EFNA5: variants seen among roughly 807,000 people sequenced by gnomAD.
EFNA5 encodes the protein ephrin-A5.
Under a neutral mutation model 22.9 loss-of-function variants are expected in EFNA5, and 5 were observed. The ratio of observed to expected loss-of-function variants is 0.22; its 90% CI spans 0.11 to 0.46. The LOEUF (loss-of-function observed/expected upper bound fraction) is 0.46. Among genes scored for constraint, EFNA5 ranks in the 20% least tolerant of loss-of-function variants. The pLI is 0.99. For synonymous variants in EFNA5, 113 were observed against 112.2 expected, an observed-to-expected ratio of 1.01 and a Z score of -0.04; for missense variants, 237 against 293.3, an observed-to-expected ratio of 0.81 and a Z score of 1.40.
At chr5:107,581,858 AACATCT>A (rs1447426810) in intron 1 of EFNA5, among the ~76,000 whole-genome samples, 1 of 152,166 alleles carries the variant, frequency 6.6e-6, no homozygotes, top group Admixed American at 6.5e-5. Context: ...TAGCAGCAAA[AACATCT>A]CTGCTCAATA....
Position 107,490,044 on chromosome 5 carries a change from G to A in EFNA5, c.126-62535C>T, listed in dbSNP as rs115877050. On this transcript the variant is annotated intron_variant, in intron 1 of 4. Transcript: ENST00000333274. ...GCTGGGGTACAAGTGGGGCATGCAG[G>A]GACAAGATTCCATCTTTCCTTGGCA... Among the ~76,000 whole-genome samples the A allele has an allele frequency of 3.2e-3, 483 of 152,256 alleles. 4 individuals are homozygous for A. The highest frequency in any genetic ancestry group is 0.011 in the African/African-American group (439 of 41,546).
intron 1 of EFNA5, among the ~76,000 whole-genome samples, chr5:107,471,576 TA>T (rs1750142667): frequency 6.6e-6 from 1 of 152,232 alleles, no homozygotes; most frequent in Non-Finnish European, 1.5e-5. Flanking sequence ...AAATTCATGC[TA>T]GTCAGTTGAT....
chr5:107,412,929 A>T (rs1218022565), intron 2 of EFNA5, among the ~76,000 whole-genome samples: 1 of 152,236 alleles, frequency 6.6e-6, no homozygotes, highest in Non-Finnish European at 1.5e-5. Flanking sequence ...GATGATAGAA[A>T]CTATTTTTGA....
intron 1 of EFNA5, among the ~76,000 whole-genome samples, chr5:107,533,252 A>T (rs969724223): frequency 3.3e-5 from 5 of 152,112 alleles, no homozygotes; most frequent in African/African-American, 7.2e-5. Context: ...TCTCGATATG[A>T]AGCGGGGGGA....
chr5:107,561,573 T>C (rs1258436376), intron 1 of EFNA5, among the ~76,000 whole-genome samples: 2 of 152,160 alleles, frequency 1.3e-5, no homozygotes, highest in East Asian at 3.9e-4. Context: ...TTTCACCATG[T>C]TGGCTAGGCT....
chr5:107,670,773 A>G lies in EFNA5; in HGVS notation c.-160T>C. On this transcript the variant is annotated 5_prime_UTR_variant, in exon 1 of 5. Coordinates refer to ENST00000333274, the MANE Select transcript of EFNA5 (RefSeq NM_001962.3). ...GCGAGAAAGGAAAGAGGCGCCCACC[A>G]AGCTGGGGAGGGGTAGGAGAGCGAG... 1.0e-6 allele frequency: 1 copy of G among 1,003,104 alleles called. No homozygotes were observed. The highest frequency in any genetic ancestry group is 2.7e-5 in the East Asian group (1 of 37,660). The allele number at this position is 1,003,104 out of a possible 1,614,324, so 62.1% of individuals were successfully genotyped here.
At chr5:107,524,548 C>T (rs1295944727) in intron 1 of EFNA5, among the ~76,000 whole-genome samples, 1 of 152,180 alleles carries the variant, frequency 6.6e-6, no homozygotes, top group Non-Finnish European at 1.5e-5. Context: ...TTACTACTGG[C>T]AAACAGAGAA....
chr5:107,604,840 A>G (rs966598925), intron 1 of EFNA5, among the ~76,000 whole-genome samples: 1 of 151,994 alleles, frequency 6.6e-6, no homozygotes, highest in Non-Finnish European at 1.5e-5. Flanking sequence ...ACGGTAGTTC[A>G]CTCAGCGGTT....
intron 1 of EFNA5, among the ~76,000 whole-genome samples, chr5:107,577,300 T>C (rs1167078018): frequency 6.6e-6 from 1 of 152,098 alleles, no homozygotes; most frequent in Middle Eastern, 3.2e-3. Context: ...AAATTTGCCA[T>C]TCCCAGATGA....
chr5:107,518,457 A>C (rs113244696), intron 1 of EFNA5, among the ~76,000 whole-genome samples: 2 of 152,198 alleles, frequency 1.3e-5, no homozygotes, highest in African/African-American at 4.8e-5. Context: ...ATAGAAGGGC[A>C]GCCACTGTGG....
intron 1 of EFNA5, among the ~76,000 whole-genome samples, chr5:107,535,011 G>A (rs890425821): frequency 6.6e-6 from 1 of 152,128 alleles, no homozygotes; most frequent in Non-Finnish European, 1.5e-5. Context: ...TGAAAAATAT[G>A]ATGTACCTTC....
At chr5:107,477,162 T>A (rs1561403461) in intron 1 of EFNA5, among the ~76,000 whole-genome samples, 1 of 152,074 alleles carries the variant, frequency 6.6e-6, no homozygotes, top group Non-Finnish European at 1.5e-5. Flanking sequence ...GTTACTGGCT[T>A]ATCAAGAGAG....
In EFNA5 at chr5:107,385,788, T is replaced by C. The variant is rs553017777; in HGVS notation, c.565+1447A>G. Among the ~76,000 whole-genome samples the C allele has an allele frequency of 1.2e-4, 18 of 152,252 alleles. No individual in the cohort carries two copies. The East Asian group carries it at 3.5e-3, about 29-fold the overall frequency. ...TACCTTAAGAAGCCAAAGTCATGGC[T>C]CCAGATTTCCAGGACACAATTAAAA... On this transcript the variant is annotated intron_variant, in intron 4 of 4. Transcript: ENST00000333274.
At chr5:107,515,570 G>T (rs1024725096) in intron 1 of EFNA5, among the ~76,000 whole-genome samples, 1 of 151,836 alleles carries the variant, frequency 6.6e-6, no homozygotes, top group African/African-American at 2.4e-5. Context: ...TAGAGACAGG[G>T]TTTCTCCATG....
chr5:107,609,303 T>C (rs1200281473), intron 1 of EFNA5, among the ~76,000 whole-genome samples: 3 of 152,204 alleles, frequency 2.0e-5, no homozygotes, highest in Admixed American at 6.5e-5. Flanking sequence ...GAATTTACTA[T>C]CAATAATTTC....
At chr5:107,443,513 T>C (rs1749313778) in intron 1 of EFNA5, among the ~76,000 whole-genome samples, 1 of 152,218 alleles carries the variant, frequency 6.6e-6, no homozygotes, top group African/African-American at 2.4e-5. Context: ...ATGAAACTAC[T>C]GTACAGTGCT....
intron 1 of EFNA5, among the ~76,000 whole-genome samples, chr5:107,430,801 G>C (rs1413167703): frequency 8.4e-6 from 1 of 119,492 alleles, no homozygotes; most frequent in African/African-American, 3.6e-5. Flanking sequence ...TTTTTGAGAT[G>C]GAGTTTCACT....
rs141709649 is a variant in EFNA5 at position 107,518,146 on chromosome 5, A to C, written c.126-90637T>G. Reference sequence around the variant, plus strand: ...AAGGTTAACTGTCTAAAAAGGAAAGACTATGTTTGACATATTCTATTTAGA... The same window carrying C: ...AAGGTTAACTGTCTAAAAAGGAAAGCCTATGTTTGACATATTCTATTTAGA... On this transcript the variant is annotated intron_variant, in intron 1 of 4. Coordinates refer to ENST00000333274, the MANE Select transcript of EFNA5 (RefSeq NM_001962.3). Among the ~76,000 whole-genome samples, 7 of 152,284 alleles carry C rather than the reference A, an allele frequency of 4.6e-5. No homozygotes were observed. In the East Asian group the frequency reaches 1.2e-3, roughly 25 times the overall value.
chr5:107,450,498 C>G (rs1449219511), intron 1 of EFNA5, among the ~76,000 whole-genome samples: 1 of 152,220 alleles, frequency 6.6e-6, no homozygotes, highest in Non-Finnish European at 1.5e-5. Context: ...CTAATTCACA[C>G]ATAACATTCA....
Sources: allele counts gnomAD v4.1 joint callset (sites outside exome capture counted in the v4.1 genomes callset), GRCh38; gene constraint gnomAD v4.1.1; transcripts MANE v1.5; gene names NCBI Gene and HGNC (gene_info 2026-07-23, HGNC 2026-07-21).